The following SPOCK1 variants were observed in gnomAD, a reference collection of about 807,000 sequenced individuals.
The protein encoded by SPOCK1 is testican-1.
In SPOCK1, 23 loss-of-function variants were observed where a neutral mutation model predicts 55.3. The ratio of observed to expected loss-of-function variants is 0.42; its 90% CI spans 0.30 to 0.59. The LOEUF is 0.59. Among genes scored for constraint, SPOCK1 ranks in the 20% least tolerant of loss-of-function variants. SPOCK1 has a pLI of 0.22. For synonymous variants in SPOCK1, 226 were observed against 221.0 expected (o/e 1.02, Z -0.20); for missense variants, 499 against 552.5 (o/e 0.90, Z 0.97).
intron 4 of SPOCK1, among the ~76,000 whole-genome samples, chr5:137,113,362 C>T (rs540333521): frequency 7.9e-5 from 12 of 152,306 alleles, no homozygotes; most frequent in African/African-American, 4.8e-5. Context: ...CCGCTTGGAG[C>T]GACTCCCAGG....
chr5:137,410,907 A>G (rs1435321079), intron 2 of SPOCK1, among the ~76,000 whole-genome samples: 1 of 152,196 alleles, frequency 6.6e-6, no homozygotes, highest in African/African-American at 2.4e-5. Flanking sequence ...CCACCTTGAG[A>G]AGAGCACCAA....
chr5:137,458,808 C>A (rs1753420284), intron 2 of SPOCK1, among the ~76,000 whole-genome samples: 1 of 152,158 alleles, frequency 6.6e-6, no homozygotes, highest in Admixed American at 6.5e-5. Flanking sequence ...ACAGATTAGA[C>A]CCTCAGCTAA....
chr5:137,060,266 C>G (rs970643579), intron 6 of SPOCK1, among the ~76,000 whole-genome samples: 19 of 152,098 alleles, frequency 1.2e-4, no homozygotes, highest in Admixed American at 1.1e-3. Flanking sequence ...TACTACATAG[C>G]CATAAAAAAG....
At position 137,479,559 on chromosome 5, in the gene SPOCK1, C is replaced by G. The variant is rs374998061; in HGVS notation, c.186+18814G>C. ...ATGGGGTGTCTGGCCATGTGACCTACCTGGCTCTCAAAAATGGCATCTCCT... is the reference window on the plus strand; with the variant it reads ...ATGGGGTGTCTGGCCATGTGACCTAGCTGGCTCTCAAAAATGGCATCTCCT... On this transcript the variant is annotated intron_variant, in intron 2 of 10. Coordinates refer to ENST00000394945, the MANE Select transcript of SPOCK1 (RefSeq NM_004598.4). Among the ~76,000 whole-genome samples, 24 of 152,352 alleles carry G rather than the reference C, an allele frequency of 1.6e-4. No homozygotes were observed. The East Asian group carries it at 2.7e-3, about 17-fold the overall frequency.
chr5:137,330,191 T>C (rs1163776640), intron 2 of SPOCK1, among the ~76,000 whole-genome samples: 1 of 152,134 alleles, frequency 6.6e-6, no homozygotes, highest in Non-Finnish European at 1.5e-5. Context: ...GCCCTGTATC[T>C]CCACTCAGTA....
At chr5:137,165,994 T>C (rs1474737634) in intron 3 of SPOCK1, among the ~76,000 whole-genome samples, 2 of 152,030 alleles carry the variant, frequency 1.3e-5, no homozygotes, top group Non-Finnish European at 2.9e-5. Flanking sequence ...GGGTAGAAAG[T>C]TCATTCAAAG....
chr5:137,393,426 G>A (rs1266656820), intron 2 of SPOCK1, among the ~76,000 whole-genome samples: 1 of 152,234 alleles, frequency 6.6e-6, no homozygotes, highest in Non-Finnish European at 1.5e-5. Flanking sequence ...TGCATCAGCT[G>A]ACAGCCAGTG....
chr5:137,363,703 C>G (rs1454115192), intron 2 of SPOCK1, among the ~76,000 whole-genome samples: 4 of 152,160 alleles, frequency 2.6e-5, no homozygotes, highest in African/African-American at 7.2e-5. Flanking sequence ...ATACCAGGTG[C>G]AAAATAAATA....
intron 2 of SPOCK1, among the ~76,000 whole-genome samples, chr5:137,344,513 G>A (rs905013431): frequency 7.9e-5 from 12 of 152,196 alleles, no homozygotes; most frequent in Non-Finnish European, 1.6e-4. Flanking sequence ...CCCCCTAGGG[G>A]ACATTTGCCA....
At chr5:137,017,167 C>T (rs540320711) in intron 6 of SPOCK1, among the ~76,000 whole-genome samples, 1 of 152,346 alleles carries the variant, frequency 6.6e-6, no homozygotes, top group South Asian at 2.1e-4. Flanking sequence ...ATTAAATAGT[C>T]AACTCAGCCA....
intron 2 of SPOCK1, among the ~76,000 whole-genome samples, chr5:137,414,232 C>G (rs1354730366): frequency 6.6e-6 from 1 of 152,178 alleles, no homozygotes; most frequent in Non-Finnish European, 1.5e-5. Flanking sequence ...ACAAAGCTTC[C>G]CCTCCAAGCA....
chr5:137,386,250 T>C (rs1023123414), intron 2 of SPOCK1, among the ~76,000 whole-genome samples: 1 of 152,228 alleles, frequency 6.6e-6, no homozygotes, highest in Non-Finnish European at 1.5e-5. Context: ...AGATATTCCA[T>C]GTTCATGGAT....
At chr5:137,238,593 C>T (rs960554870) in intron 3 of SPOCK1, among the ~76,000 whole-genome samples, 9 of 152,094 alleles carry the variant, frequency 5.9e-5, no homozygotes, top group Non-Finnish European at 1.3e-4. Flanking sequence ...AAATATTGCA[C>T]AAAATCAGTA....
chr5:137,092,666 G>A (rs955851098), intron 5 of SPOCK1, among the ~76,000 whole-genome samples: 1 of 152,214 alleles, frequency 6.6e-6, no homozygotes. Flanking sequence ...TGTGCCTAGA[G>A]AGGAACAAGC....
intron 2 of SPOCK1, among the ~76,000 whole-genome samples, chr5:137,480,237 T>C (rs1186833577): frequency 6.6e-6 from 1 of 151,684 alleles, no homozygotes; most frequent in East Asian, 1.9e-4. Flanking sequence ...CCATACATGT[T>C]TGGTAAACAA....
intron 3 of SPOCK1, among the ~76,000 whole-genome samples, chr5:137,246,428 T>C (rs2127103384): frequency 6.6e-6 from 1 of 152,276 alleles, no homozygotes; most frequent in East Asian, 1.9e-4. Context: ...CTACATCCAT[T>C]GAGACTAGTT....
intron 3 of SPOCK1, among the ~76,000 whole-genome samples, chr5:137,173,576 C>T (rs1314000221): frequency 1.3e-5 from 2 of 152,172 alleles, no homozygotes; most frequent in Non-Finnish European, 2.9e-5. Context: ...AAAACAAAAA[C>T]TAAACACCAC....
intron 4 of SPOCK1, among the ~76,000 whole-genome samples, chr5:137,137,132 T>A (rs1297006600): frequency 1.3e-5 from 2 of 152,188 alleles, no homozygotes; most frequent in Admixed American, 1.3e-4. Flanking sequence ...TCTGTCTTGA[T>A]CTGCTTGCAA....
At chr5:137,416,489 T>A (rs1000514617) in intron 2 of SPOCK1, among the ~76,000 whole-genome samples, 2 of 152,118 alleles carry the variant, frequency 1.3e-5, no homozygotes, top group Non-Finnish European at 2.9e-5. Flanking sequence ...TGATATTACT[T>A]TTAGTTAAGC....
Sources: gnomAD v4.1 joint callset for allele counts (sites outside exome capture counted in the v4.1 genomes callset) on GRCh38, gnomAD v4.1.1 for gene constraint, MANE v1.5 for transcripts, NCBI Gene and HGNC (gene_info 2026-07-23, HGNC 2026-07-21) for gene names.